NCOA7: variants seen among roughly 807,000 people sequenced by gnomAD.
NCOA7 encodes nuclear receptor coactivator 7, also known as 140 kDa estrogen receptor-associated protein.
NCOA7 carries 45 observed loss-of-function variants against 104.3 expected under a neutral mutation model. The ratio of observed to expected loss-of-function variants is 0.43; its 90% CI spans 0.34 to 0.55. The LOEUF (loss-of-function observed/expected upper bound fraction) is 0.55, where lower values mean the gene tolerates loss of function less well. Among genes scored for constraint, NCOA7 ranks in the 20% least tolerant of loss-of-function variants. The pLI is 0.02. For synonymous variants in NCOA7, 398 were observed against 402.3 expected (o/e 0.99, Z 0.13); for missense variants, 1,041 against 1,119.7 (o/e 0.93, Z 1.00).
At chr6:125,846,363 T>A (rs1434243501) in intron 2 of NCOA7, among the ~76,000 whole-genome samples, 129 of 10,166 alleles carry the variant, frequency 0.013, 1 homozygote, top group African/African-American at 0.02. Context: ...AAAAAAAAAT[T>A]TTTTTTTTTT....
At chr6:125,789,992 T>C (rs974988458), upstream of NCOA7, among the ~76,000 whole-genome samples, 1 of 152,170 alleles carries the variant, frequency 6.6e-6, no homozygotes, top group Non-Finnish European at 1.5e-5. Flanking sequence ...CAACTGGGGA[T>C]GGGGAGCTCA....
At chr6:125,866,414 A>G (rs1046784645) in intron 3 of NCOA7, among the ~76,000 whole-genome samples, 2 of 152,188 alleles carry the variant, frequency 1.3e-5, no homozygotes, top group African/African-American at 4.8e-5. Context: ...GAGTGGTCCA[A>G]ATTTTTCTCC....
chr6:125,838,619 A>T (rs996582992), intron 2 of NCOA7, among the ~76,000 whole-genome samples: 1 of 152,124 alleles, frequency 6.6e-6, no homozygotes, highest in Non-Finnish European at 1.5e-5. Context: ...CTGGTTCTCC[A>T]ACACCAGTTG....
intron 2 of NCOA7, among the ~76,000 whole-genome samples, chr6:125,830,381 T>G (rs1182210380): frequency 6.6e-6 from 1 of 152,160 alleles, no homozygotes; most frequent in Non-Finnish European, 1.5e-5. Context: ...TGATATGACC[T>G]GATTAATGCA....
intron 2 of NCOA7, among the ~76,000 whole-genome samples, chr6:125,841,524 A>T (rs1285868681): frequency 2.6e-5 from 4 of 151,270 alleles, no homozygotes; most frequent in Non-Finnish European, 5.9e-5. Context: ...CCATTGTTGG[A>T]TTTTTTTTTA....
At chr6:125,839,499 C>A (rs999335827) in intron 2 of NCOA7, among the ~76,000 whole-genome samples, 6 of 152,056 alleles carry the variant, frequency 3.9e-5, no homozygotes, top group Non-Finnish European at 8.8e-5. Context: ...AAGTTCCAAC[C>A]TTTTAATCCT....
intron 2 of NCOA7, among the ~76,000 whole-genome samples, chr6:125,829,966 T>G (rs1366374595): frequency 6.6e-6 from 1 of 152,048 alleles, no homozygotes; most frequent in East Asian, 1.9e-4. Flanking sequence ...AATATGGAGG[T>G]CGTGTGGGCT....
intron 2 of NCOA7, among the ~76,000 whole-genome samples, chr6:125,853,146 CT>C (rs373644813): frequency 2.0e-5 from 3 of 151,768 alleles, no homozygotes; most frequent in Admixed American, 6.6e-5. Context: ...ATTTTGAGTT[CT>C]TTTTTTTGTT....
chr6:125,906,322 G>A (rs1785999230), intron 10 of NCOA7, among the ~76,000 whole-genome samples: 1 of 152,146 alleles, frequency 6.6e-6, no homozygotes, highest in Non-Finnish European at 1.5e-5. Flanking sequence ...GAGGAGGCAG[G>A]TAGGAGAGTG....
At chr6:125,912,097 G>A (rs1426394924) in intron 10 of NCOA7, among the ~76,000 whole-genome samples, 7 of 152,284 alleles carry the variant, frequency 4.6e-5, no homozygotes, top group East Asian at 1.9e-4. Flanking sequence ...AAAGCAAATC[G>A]AGGCTTTTCA....
intron 8 of NCOA7, among the ~76,000 whole-genome samples, chr6:125,888,535 T>C (rs949673201): frequency 1.1e-5 from 1 of 88,908 alleles, no homozygotes. Flanking sequence ...GGAAAATGTT[T>C]GCACATTTAA....
chr6:125,886,177 A>AG (rs1157659005), intron 8 of NCOA7, among the ~76,000 whole-genome samples: 1 of 151,646 alleles, frequency 6.6e-6, no homozygotes, highest in African/African-American at 2.4e-5. Context: ...AAAAAAAAAA[A>AG]AAAAAGGAAG....
chr6:125,889,731 C>T lies in NCOA7; in HGVS notation c.1677C>T (p.Thr559=). 6 of 1,613,258 alleles carry T rather than the reference C, an allele frequency of 3.7e-6. No homozygotes were observed. Among genetic ancestry groups the T allele is most frequent in the Non-Finnish European group, 5.1e-6 (6 of 1,179,728 alleles). ...KSIEPGGIDI[T]LSSSLSQAGD... ...TTGAACCAGGGGGAATAGACATTAC[C>T]CTTAGTAGTTCTCTTTCCCAGGCGG... Residue 559 remains threonine (T), a synonymous_variant, in exon 9 of 16, where the codon ACC becomes ACT. Transcript: ENST00000392477.
intron 1 of NCOA7, among the ~76,000 whole-genome samples, chr6:125,791,616 C>G (rs1774867644): frequency 6.6e-6 from 1 of 152,142 alleles, no homozygotes; most frequent in African/African-American, 2.4e-5. Context: ...GAAGGTCCTT[C>G]TAGAAGTCAG....
chr6:125,866,791 A>C (rs1782477839), intron 3 of NCOA7, among the ~76,000 whole-genome samples: 1 of 152,126 alleles, frequency 6.6e-6, no homozygotes, highest in South Asian at 2.1e-4. Context: ...GCAATGTTTT[A>C]ATTGCTGTGG....
Position 125,899,988 on chromosome 6 carries a change from C to T in NCOA7, c.2096+9178C>T, listed in dbSNP as rs749882425. ...GGGTCCATTTCCACTGCAGACTAAT[C>T]CCTGCCAATGGGTGCTGCACACAGT... On this transcript the variant is annotated intron_variant, in intron 10 of 15. Coordinates refer to ENST00000392477, the MANE Select transcript of NCOA7 (RefSeq NM_181782.5). 1.1e-5 allele frequency: 6 copies of T among 533,016 alleles called. No individual in the cohort carries two copies. In the Admixed American group the frequency reaches 1.2e-4, roughly 10 times the overall value. 33.0% of individuals were successfully genotyped at this position (533,016 alleles called of 1,614,324 possible).
chr6:125,916,514 C>G (rs561927093), intron 11 of NCOA7, among the ~76,000 whole-genome samples: 1 of 152,326 alleles, frequency 6.6e-6, no homozygotes, highest in Non-Finnish European at 1.5e-5. Context: ...AACAAGCTTG[C>G]AGCACTGGGA....
intron 3 of NCOA7, among the ~76,000 whole-genome samples, chr6:125,869,614 C>G (rs1266317583): frequency 6.6e-6 from 1 of 152,180 alleles, no homozygotes; most frequent in Admixed American, 6.5e-5. Flanking sequence ...TCACAAGGGA[C>G]CTTAAAAGTG....
chr6:125,926,494 T>A (rs1418809530), intron 13 of NCOA7, among the ~76,000 whole-genome samples: 1 of 152,222 alleles, frequency 6.6e-6, no homozygotes, highest in African/African-American at 2.4e-5. Flanking sequence ...TAGATGCCTA[T>A]TTTGATTGTA....
Sources: allele counts gnomAD v4.1 joint callset (sites outside exome capture counted in the v4.1 genomes callset), GRCh38; gene constraint gnomAD v4.1.1; transcripts MANE v1.5; gene names NCBI Gene and HGNC (gene_info 2026-07-23, HGNC 2026-07-21).